SLC44A5: variants seen among roughly 807,000 people sequenced by gnomAD.
SLC44A5 encodes solute carrier family 44 member 5, also known as choline transporter-like protein 5.
Under a neutral mutation model 101.8 loss-of-function variants are expected in SLC44A5, and 57 were observed. That is an observed-to-expected ratio of 0.56 (90% CI 0.45 to 0.70). SLC44A5 has a LOEUF of 0.70. Ranked by LOEUF, SLC44A5 falls within the 30% of genes least tolerant of loss-of-function variation. The pLI is 0.00. For missense variants in SLC44A5, 737 were observed against 853.1 expected, an observed-to-expected ratio of 0.86 and a Z score of 1.70; for synonymous variants, 281 against 290.9, an observed-to-expected ratio of 0.97 and a Z score of 0.35.
chr1:75,331,619 A>G (rs1657061690), intron 4 of SLC44A5, among the ~76,000 whole-genome samples: 1 of 152,150 alleles, frequency 6.6e-6, no homozygotes, highest in Non-Finnish European at 1.5e-5. Context: ...TTAAAAACAG[A>G]TTAGCTCACT....
intron 3 of SLC44A5, among the ~76,000 whole-genome samples, chr1:75,361,587 G>T (rs1659493594): frequency 6.6e-6 from 1 of 151,984 alleles, no homozygotes; most frequent in South Asian, 2.1e-4. Context: ...ACGCTTTTGT[G>T]CATCTATTGA....
chr1:75,627,194 T>A, the SLC44A5 span, among the ~76,000 whole-genome samples: 450 of 152,250 alleles, frequency 3.0e-3, 4 homozygotes, highest in Non-Finnish European at 4.2e-3. Context: ...TTACATTATA[T>A]CTTGATTATC....
rs114341225 is a variant in SLC44A5 at position 75,596,253 on chromosome 1, G to C, written c.-70+14787C>G. 9.8e-4 allele frequency among the ~76,000 whole-genome samples: 148 copies of C among 151,372 alleles called. 1 individual carries two copies. Among genetic ancestry groups the C allele is most frequent in the Middle Eastern group, 3.4e-3 (1 of 294 alleles). ...AATGTAATGTTCACGAGAGAAAATT[G>C]AATCCCTGAACAGACCAATAATGAG... On this transcript the variant is annotated intron_variant, in intron 1 of 23. Coordinates refer to ENST00000370859, the MANE Select transcript of SLC44A5 (RefSeq NM_001130058.2).
chr1:75,263,197 G>A (rs976904230), intron 6 of SLC44A5, among the ~76,000 whole-genome samples: 5 of 151,998 alleles, frequency 3.3e-5, no homozygotes, highest in African/African-American at 1.2e-4. Flanking sequence ...ACAAGCAACC[G>A]ACAGAATGGG....
At chr1:75,415,478 C>G (rs1663580736) in intron 2 of SLC44A5, among the ~76,000 whole-genome samples, 1 of 152,182 alleles carries the variant, frequency 6.6e-6, no homozygotes, top group African/African-American at 2.4e-5. Context: ...TGCCCAGTCT[C>G]AGGTATGTCT....
intron 6 of SLC44A5, among the ~76,000 whole-genome samples, chr1:75,255,521 T>C (rs1162609717): frequency 6.8e-6 from 1 of 146,558 alleles, no homozygotes; most frequent in Non-Finnish European, 1.5e-5. Context: ...AGATGAAAAA[T>C]AGAAGGAAAA....
intron 5 of SLC44A5, among the ~76,000 whole-genome samples, chr1:75,290,240 A>G (rs1653425849): frequency 6.6e-6 from 1 of 152,240 alleles, no homozygotes; most frequent in Non-Finnish European, 1.5e-5. Context: ...CTGATGAGCC[A>G]GTTATATCCC....
chr1:75,459,846 C>T (rs1427189588), intron 2 of SLC44A5, among the ~76,000 whole-genome samples: 1 of 152,152 alleles, frequency 6.6e-6, no homozygotes, highest in Non-Finnish European at 1.5e-5. Context: ...TAGATAGGGT[C>T]TCACTATGTT....
chr1:75,463,375 G>C (rs1179584964), intron 2 of SLC44A5, among the ~76,000 whole-genome samples: 1 of 135,308 alleles, frequency 7.4e-6, no homozygotes, highest in Non-Finnish European at 1.5e-5. Context: ...AGCCGAGATT[G>C]TGCCACTGCA....
chr1:75,678,924 G>A, the SLC44A5 span, among the ~76,000 whole-genome samples: 61 of 152,314 alleles, frequency 4.0e-4, no homozygotes, highest in African/African-American at 1.4e-3. Context: ...TAAAGGAGCT[G>A]ATGGAGCTGA....
chr1:75,495,514 T>C (rs1311284718), intron 2 of SLC44A5, among the ~76,000 whole-genome samples: 1 of 151,292 alleles, frequency 6.6e-6, no homozygotes, highest in African/African-American at 2.4e-5. Flanking sequence ...AGGAGAATAA[T>C]GTATGAACAA....
At chr1:75,358,169 A>G (rs1659221244) in intron 3 of SLC44A5, among the ~76,000 whole-genome samples, 1 of 152,214 alleles carries the variant, frequency 6.6e-6, no homozygotes, top group Non-Finnish European at 1.5e-5. Context: ...AACAGAACAG[A>G]AAATTGGTAA....
intron 1 of SLC44A5, chr1:75,582,082 G>C: frequency 2.8e-6 from 2 of 713,230 alleles, no homozygotes; most frequent in Non-Finnish European, 5.1e-6. Flanking sequence ...GGAGCCACGG[G>C]TTACAGTGCA....
At chr1:75,705,988 T>C in the SLC44A5 span, among the ~76,000 whole-genome samples, 2 of 152,220 alleles carry the variant, frequency 1.3e-5, no homozygotes, top group Non-Finnish European at 2.9e-5. Context: ...TCATCAGCTT[T>C]TGACTTTGTT....
At chr1:75,220,841 T>C (rs1184094817) in intron 14 of SLC44A5, among the ~76,000 whole-genome samples, 2 of 152,188 alleles carry the variant, frequency 1.3e-5, no homozygotes, top group East Asian at 1.9e-4. Context: ...ATTTAATCTA[T>C]AGTGTTTTCT....
chr1:75,547,466 T>A (rs1671712419), intron 1 of SLC44A5, among the ~76,000 whole-genome samples: 1 of 152,190 alleles, frequency 6.6e-6, no homozygotes, highest in South Asian at 2.1e-4. Flanking sequence ...GAAACTTAGC[T>A]GTGATTCTAA....
At chr1:75,676,636 C>A in the SLC44A5 span, among the ~76,000 whole-genome samples, 3 of 152,184 alleles carry the variant, frequency 2.0e-5, no homozygotes, top group Admixed American at 2.0e-4. Context: ...AGCAAATCAC[C>A]ATGGTACACA....
At chr1:75,654,699 A>G in the SLC44A5 span, among the ~76,000 whole-genome samples, 1 of 152,222 alleles carries the variant, frequency 6.6e-6, no homozygotes, top group African/African-American at 2.4e-5. Flanking sequence ...ACCTCCAGAA[A>G]GAGATGACTT....
intron 2 of SLC44A5, among the ~76,000 whole-genome samples, chr1:75,457,890 C>G (rs946182051): frequency 3.3e-5 from 5 of 150,888 alleles, no homozygotes; most frequent in African/African-American, 9.7e-5. Context: ...GGTGGAACAA[C>G]GGAGGGAGAA....
Sources: allele counts gnomAD v4.1 joint callset (sites outside exome capture counted in the v4.1 genomes callset), GRCh38; gene constraint gnomAD v4.1.1; transcripts MANE v1.5; gene names NCBI Gene and HGNC (gene_info 2026-07-23, HGNC 2026-07-21).